Variants in HTRA4 observed in about 807,000 individuals in gnomAD.
HTRA4 encodes the protein serine protease HTRA4.
A neutral mutation model predicts 49.1 loss-of-function variants in HTRA4; 46 were observed. That is an observed-to-expected ratio of 0.94 (90% confidence interval 0.74 to 1.20). The LOEUF (loss-of-function observed/expected upper bound fraction) is 1.20, where lower values mean the gene tolerates loss of function less well. Among genes scored for constraint, HTRA4 ranks in the 50% most tolerant of loss-of-function variants. HTRA4 has a pLI of 0.00. For synonymous variants in HTRA4, 261 were observed against 264.0 expected (o/e 0.99, Z 0.11); for missense variants, 602 against 636.9 (o/e 0.95, Z 0.59).
In HTRA4 at chr8:38,987,944, TGA is replaced by T; in HGVS notation, c.1282_1283del (p.Asp428SerfsTer17). ...TTTTCTCCCTCTCTCAGCTCTGGAT[TGA>T]GAGATCACGATGTAATTGTCAACAT... On this transcript the variant is annotated frameshift_variant, in exon 9 of 9. Coordinates refer to ENST00000302495, the MANE Select transcript of HTRA4 (RefSeq NM_153692.4). LOFTEE classifies it high-confidence loss of function. 6.3e-7 allele frequency: 1 copy of T among 1,591,112 alleles called. No individual in the cohort carries two copies. Among genetic ancestry groups the T allele is most frequent in the South Asian group, 1.2e-5 (1 of 85,678 alleles).
chr8:38,982,840 T>C (rs1835440597), intron 7 of HTRA4, 113 bp from the exon 8 acceptor site: 2 of 710,240 alleles, frequency 2.8e-6, no homozygotes, highest in Non-Finnish European at 4.7e-6. Context: ...TGATGGAATC[T>C]TCCTCGGCCC....
intron 2 of HTRA4, among the ~76,000 whole-genome samples, chr8:38,975,927 G>T (rs1835345864): frequency 6.6e-6 from 1 of 152,190 alleles, no homozygotes; most frequent in African/African-American, 2.4e-5. Context: ...ATTGGGTTCA[G>T]TCTTTTCGCA....
rs1835409597 is a variant in HTRA4 at position 38,980,806 on chromosome 8, G to T, written c.1000-847G>T. ...CCCATTACCTAAAAGGCTAAAGGAA[G>T]ATGAGGTACATAAAGAGGAAAATAT... On this transcript the variant is annotated intron_variant, in intron 5 of 8. Transcript: ENST00000302495. 2.0e-5 allele frequency among the ~76,000 whole-genome samples: 3 copies of T among 151,888 alleles called. No homozygotes were observed. The South Asian group carries it at 6.2e-4, about 31-fold the overall frequency.
chr8:38,974,404 G>A lies in HTRA4; in HGVS notation c.141G>A (p.Thr47=), dbSNP rs1260764482. The A allele has an allele frequency of 1.9e-6, 3 of 1,554,136 alleles. No homozygotes were observed. The highest frequency in any genetic ancestry group is 1.9e-5 in the Admixed American group (1 of 51,936). The part of the protein sequence containing the change: ...QPSCPAVCQP[T]RCPALPTCAL... ...CCTGCCCCGCGGTCTGCCAGCCCAC[G>A]CGCTGCCCCGCGCTGCCCACCTGCG... Residue 47 remains threonine (T), a synonymous_variant, in exon 1 of 9, where the codon ACG becomes ACA. Transcript: ENST00000302495.
intron 5 of HTRA4, among the ~76,000 whole-genome samples, chr8:38,979,905 A>C (rs1351744635): frequency 6.6e-6 from 1 of 152,204 alleles, no homozygotes; most frequent in African/African-American, 2.4e-5. Context: ...GATGCTGCAT[A>C]TGAAGAACTA....
In HTRA4 at chr8:38,974,536, G is replaced by A. The variant is rs1835318215; in HGVS notation, c.273G>A (p.Gly91=). The part of the protein sequence containing the change: ...GGAQGQPCAP[G]LQCLQPLRPG... ...CGCAGGGCCAACCGTGCGCCCCGGG[G>A]CTGCAGTGCCTCCAGCCGCTGCGCC... The change falls in exon 1 of 9, where the codon GGG becomes GGA. Residue 91 remains glycine, a synonymous_variant. Transcript: ENST00000302495. 5 of 1,418,764 alleles carry A rather than the reference G, an allele frequency of 3.5e-6. No homozygotes were observed. Among genetic ancestry groups the A allele is most frequent in the Admixed American group, 6.7e-5 (2 of 29,704 alleles). The allele number at this position is 1,418,764 out of a possible 1,614,324, so 87.9% of individuals were successfully genotyped here.
rs2129426732 is a variant in HTRA4 at position 38,974,574 on chromosome 8, G to A, written c.311G>A (p.Ser104Asn). 1.2e-5 allele frequency: 17 copies of A among 1,422,310 alleles called. No individual in the cohort carries two copies. Among genetic ancestry groups the A allele is most frequent in the Non-Finnish European group, 1.6e-5 (17 of 1,094,364 alleles). 88.1% of individuals were successfully genotyped at this position (1,422,310 alleles called of 1,614,324 possible). ...CLQPLRPGFP[S>N]TCGCPTLGGA... Reference sequence around the variant, plus strand: ...CAGCCGCTGCGCCCCGGGTTCCCCAGCACCTGCGGTTGCCCGACGCTGGGA... The same window carrying A: ...CAGCCGCTGCGCCCCGGGTTCCCCAACACCTGCGGTTGCCCGACGCTGGGA... Residue 104 changes from serine to asparagine, a missense_variant, in exon 1 of 9, where the codon AGC becomes AAC. By Grantham distance (46) the Ser-to-Asn change is conservative. Coordinates refer to ENST00000302495, the MANE Select transcript of HTRA4 (RefSeq NM_153692.4).
intron 4 of HTRA4, among the ~76,000 whole-genome samples, chr8:38,978,993 CAA>C (rs34275087): frequency 2.5e-5 from 3 of 120,272 alleles, no homozygotes; most frequent in Non-Finnish European, 3.4e-5. Context: ...GACTCCGTCT[CAA>C]AAAAAAAAAA....
chr8:38,976,481 C>A, intron 2 of HTRA4, 54 bp from the exon 3 acceptor site: 2 of 1,512,058 alleles, frequency 1.3e-6, no homozygotes, highest in Non-Finnish European at 1.8e-6. Context: ...GATTATATGG[C>A]TGTATCCCCT....
At chr8:38,981,410 T>C (rs1463909093) in intron 5 of HTRA4, among the ~76,000 whole-genome samples, 1 of 152,004 alleles carries the variant, frequency 6.6e-6, no homozygotes, top group Non-Finnish European at 1.5e-5. Context: ...GTCCTCAGCA[T>C]CCTTGATCCT....
intron 5 of HTRA4, among the ~76,000 whole-genome samples, chr8:38,980,628 C>T (rs1056145741): frequency 2.0e-5 from 3 of 151,622 alleles, no homozygotes; most frequent in East Asian, 3.9e-4. Flanking sequence ...ATCCCAGCTA[C>T]TTGGGAGGCT....
intron 3 of HTRA4, among the ~76,000 whole-genome samples, chr8:38,977,723 T>G (rs1221964486): frequency 6.6e-6 from 1 of 152,194 alleles, no homozygotes; most frequent in East Asian, 1.9e-4. Flanking sequence ...TTTTAGATCT[T>G]AGAAATGATC....
chr8:38,974,444 C>G lies in HTRA4; in HGVS notation c.181C>G (p.Pro61Ala). 1 of 1,543,320 alleles carries G rather than the reference C, an allele frequency of 6.5e-7. No individual in the cohort carries two copies. Among genetic ancestry groups the G allele is most frequent in the Non-Finnish European group, 8.7e-7 (1 of 1,148,566 alleles). Reference sequence around the variant, plus strand: ...GCCCACCTGCGCGCTGGGGACCACGCCGGTGTTCGACCTGTGCCGCTGTTG... The same window carrying G: ...GCCCACCTGCGCGCTGGGGACCACGGCGGTGTTCGACCTGTGCCGCTGTTG... Reference protein sequence around the residue: ...ALPTCALGTTPVFDLCRCCRV... With the variant: ...ALPTCALGTTAVFDLCRCCRV... Residue 61 changes from proline (P) to alanine (A), a missense_variant, in exon 1 of 9, where the codon CCG becomes GCG. Physicochemically the swap from Pro to Ala is conservative, Grantham distance 27. Coordinates refer to ENST00000302495, the MANE Select transcript of HTRA4 (RefSeq NM_153692.4).
Position 38,987,922 on chromosome 8 carries a change from T to A in HTRA4, c.1269-14T>A. 6.5e-7 allele frequency: 1 copy of A among 1,534,332 alleles called. No individual in the cohort carries two copies. Among genetic ancestry groups the A allele is most frequent in the Non-Finnish European group, 8.7e-7 (1 of 1,147,906 alleles). ...TATAGTTTCATGATCCTCTTTTTTT[T>A]CTCCCTCTCTCAGCTCTGGATTGAG... On this transcript the variant is annotated splice_polypyrimidine_tract_variant and intron_variant, in intron 8 of 8. Coordinates refer to ENST00000302495, the MANE Select transcript of HTRA4 (RefSeq NM_153692.4).
Position 38,977,979 on chromosome 8 carries a change from A to T in HTRA4, c.798A>T (p.Gly266=). 1 of 1,614,076 alleles carries T rather than the reference A, an allele frequency of 6.2e-7. No individual in the cohort carries two copies. Among genetic ancestry groups the T allele is most frequent in the South Asian group, 1.1e-5 (1 of 91,068 alleles). ...SNAELPVLML[G]RSSDLRAGEF... ...CTGAACTTCCTGTACTGATGCTGGG[A>T]AGATCATCTGACCTTCGGGCTGGAG... Residue 266 remains glycine (G), a synonymous_variant, in exon 4 of 9, where the codon GGA becomes GGT. Coordinates refer to ENST00000302495, the MANE Select transcript of HTRA4 (RefSeq NM_153692.4).
At chr8:38,975,412 ATTTCT>A (rs1027147392) in intron 2 of HTRA4, among the ~76,000 whole-genome samples, 6 of 151,970 alleles carry the variant, frequency 3.9e-5, no homozygotes, top group African/African-American at 1.4e-4. Context: ...CTAGTAGGCA[ATTTCT>A]TTTCTTTTTT....
At chr8:38,980,983 C>T (rs1835411324) in intron 5 of HTRA4, among the ~76,000 whole-genome samples, 1 of 150,420 alleles carries the variant, frequency 6.6e-6, no homozygotes, top group South Asian at 2.1e-4. Context: ...TGCTCCTTGT[C>T]CTTCTACCTT....
Position 38,981,081 on chromosome 8 carries a change from T to TTTTG in HTRA4, c.1000-569_1000-568insGTTT, listed in dbSNP as rs1564179072. The stretch of plus-strand genomic sequence containing the variant: ...AGCTTAAGTTTTTTTTTTTTTTTTT[T>TTTTG]TTTTTTTTTTTTTTTTGAGACGGAG... On this transcript the variant is annotated intron_variant, in intron 5 of 8. Transcript: ENST00000302495. Among the ~76,000 whole-genome samples, 159 of 128,872 alleles carry TTTTG rather than the reference T, an allele frequency of 1.2e-3. 5 individuals are homozygous for TTTTG. Among genetic ancestry groups the TTTTG allele is most frequent in the African/African-American group, 4.5e-3 (155 of 34,330 alleles). The allele number at this position is 128,872 out of a possible 152,430, so 84.5% of individuals were successfully genotyped here. A position where few individuals can be genotyped will look rare whatever the true frequency, so the allele number is the denominator to read the frequency against.
rs535286454 is a variant in HTRA4, at chr8:38,987,366, A to T, written c.1269-570A>T. Among the ~76,000 whole-genome samples, 10 of 151,472 alleles carry T rather than the reference A, an allele frequency of 6.6e-5. No individual in the cohort carries two copies. In the East Asian group the frequency reaches 1.9e-3, roughly 29 times the overall value. On this transcript the variant is annotated intron_variant, in intron 8 of 8. Transcript: ENST00000302495. ...TTGGAGAAAAGGAGCCTAGAGCCAG[A>T]GCTGGAAATATTTAGACTCAGAAGG...
Sources: allele counts gnomAD v4.1 joint callset (sites outside exome capture counted in the v4.1 genomes callset), GRCh38; gene constraint gnomAD v4.1.1; transcripts MANE v1.5; gene names NCBI Gene and HGNC (gene_info 2026-07-23, HGNC 2026-07-21).